The following NID1 variants were observed in gnomAD, a reference collection of about 807,000 sequenced individuals.
The protein encoded by NID1 is nidogen 1, also known as nidogen-1.
A neutral mutation model predicts 130.6 loss-of-function variants in NID1; 76 were observed. That is an observed-to-expected ratio of 0.58 (90% confidence interval 0.48 to 0.70). The LOEUF (loss-of-function observed/expected upper bound fraction) is 0.70, where lower values mean the gene tolerates loss of function less well. Ranked by LOEUF, NID1 falls within the 30% of genes least tolerant of loss-of-function variation. The probability of loss-of-function intolerance (pLI) is 0.00; values close to 1 mark genes in which losing one functional copy is unlikely to be tolerated. For missense variants in NID1, 1,517 were observed against 1,664.8 expected (o/e 0.91, Z 1.54); for synonymous variants, 665 against 675.1 (o/e 0.98, Z 0.23).
At chr1:236,030,333 T>C (rs1659059083) in intron 6 of NID1, among the ~76,000 whole-genome samples, 1 of 152,160 alleles carries the variant, frequency 6.6e-6, no homozygotes, top group Non-Finnish European at 1.5e-5. Flanking sequence ...GGAAAAATAC[T>C]TCTCCCTTTT....
intron 4 of NID1, 147 bp downstream of exon 4, chr1:236,041,763 G>T: frequency 1.0e-6 from 1 of 981,864 alleles, no homozygotes; most frequent in Non-Finnish European, 1.5e-6. Context: ...AGGCTCCACG[G>T]CTGTGAGAGT....
chr1:236,057,689 CTGAAAGAAAGAA>C (rs1659932697), intron 1 of NID1, among the ~76,000 whole-genome samples: 1 of 133,088 alleles, frequency 7.5e-6, no homozygotes, highest in South Asian at 2.3e-4. Flanking sequence ...CAGAGTAAGA[CTGAAAGAAAGAA>C]GGAAAGAAAG....
chr1:235,993,920 C>T, intron 12 of NID1, 48 bp from the exon 13 acceptor site: 10 of 1,561,704 alleles, frequency 6.4e-6, no homozygotes, highest in Non-Finnish European at 7.9e-6. Context: ...CGTCATCCGT[C>T]AGCGCTCCCT....
chr1:236,061,307 G>A (rs1239934499), intron 1 of NID1, among the ~76,000 whole-genome samples: 1 of 152,114 alleles, frequency 6.6e-6, no homozygotes, highest in Non-Finnish European at 1.5e-5. Context: ...GCTCACCTGG[G>A]GAAAAATATA....
At chr1:236,057,736 AGAGAG>A (rs1659934994) in intron 1 of NID1, among the ~76,000 whole-genome samples, 1 of 151,872 alleles carries the variant, frequency 6.6e-6, no homozygotes, top group Non-Finnish European at 1.5e-5. Flanking sequence ...AGAAAGAAAA[AGAGAG>A]AGAGAGAAAG....
At position 236,041,960 on chromosome 1, in the gene NID1, T is replaced by C. The variant is rs762843700; in HGVS notation, c.1085A>G (p.Gln362Arg). 1 of 1,614,076 alleles carries C rather than the reference T, an allele frequency of 6.2e-7. No homozygotes were observed. Among genetic ancestry groups the C allele is most frequent in the Non-Finnish European group, 8.5e-7 (1 of 1,179,980 alleles). Residue 362 changes from glutamine (Q) to arginine (R), a missense_variant, in exon 4 of 20, where the codon CAG becomes CGG. Coordinates refer to ENST00000264187, the MANE Select transcript of NID1 (RefSeq NM_002508.3). ...CACATCTATGACCTGAGGGTGCTGC[T>C]GGTGAAAAGTCTCCACTGCCAACTG... The part of the protein sequence containing the change: ...SFQLAVETFH[Q>R]QHPQVIDVDE...
rs1249157979 is a variant in NID1 at position 235,985,514 on chromosome 1, G to A, written c.2929-9C>T. On this transcript the variant is annotated splice_polypyrimidine_tract_variant and intron_variant, in intron 14 of 19. Transcript: ENST00000264187. ...CCAATGATGACTTTAGCCTGGATGT[G>A]AAGACCAGTGGTTAGAATGGTCCAT... is the stretch of plus-strand genomic sequence containing the variant. 6.2e-7 allele frequency: 1 copy of A among 1,613,902 alleles called. No homozygotes were observed. The highest frequency in any genetic ancestry group is 1.3e-5 in the African/African-American group (1 of 74,920).
intron 12 of NID1, among the ~76,000 whole-genome samples, chr1:235,999,073 A>G (rs1344662091): frequency 6.6e-6 from 1 of 152,246 alleles, no homozygotes; most frequent in African/African-American, 2.4e-5. Flanking sequence ...TTACGACAAC[A>G]GCGATGTACA....
chr1:236,005,028 G>A (rs1232409244), intron 12 of NID1, among the ~76,000 whole-genome samples: 1 of 151,898 alleles, frequency 6.6e-6, no homozygotes, highest in East Asian at 1.9e-4. Context: ...TACAAAATTA[G>A]CTGGGAATGG....
At position 236,036,279 on chromosome 1, in the gene NID1, C is replaced by T. The variant is rs60964154; in HGVS notation, c.1285+1825G>A. ...AACAGTTTAGAAGTTAATAACATCCCCTAAAATTAATAAGTAAAGCATACT... is the reference window on the plus strand; with the variant it reads ...AACAGTTTAGAAGTTAATAACATCCTCTAAAATTAATAAGTAAAGCATACT... On this transcript the variant is annotated intron_variant, in intron 5 of 19. Coordinates refer to ENST00000264187, the MANE Select transcript of NID1 (RefSeq NM_002508.3). Among the ~76,000 whole-genome samples the T allele has an allele frequency of 2.5e-3, 381 of 152,234 alleles. 1 individual carries two copies. Among genetic ancestry groups the T allele is most frequent in the African/African-American group, 8.4e-3 (350 of 41,544 alleles).
At chr1:236,060,616 C>A (rs1029005463) in intron 1 of NID1, 1 of 152,138 alleles carries the variant, frequency 6.6e-6, no homozygotes, top group African/African-American at 2.4e-5. Context: ...GGATCAGTTA[C>A]CCCTCTCTTC....
At chr1:235,984,239 T>A (rs973781525) in intron 15 of NID1, among the ~76,000 whole-genome samples, 1 of 152,208 alleles carries the variant, frequency 6.6e-6, no homozygotes. Flanking sequence ...GAGATAGGCA[T>A]TTTCAAACTG....
chr1:236,059,081 T>C (rs1162091576), intron 1 of NID1, among the ~76,000 whole-genome samples: 1 of 152,160 alleles, frequency 6.6e-6, no homozygotes, highest in Non-Finnish European at 1.5e-5. Flanking sequence ...AAGGAAATGA[T>C]GAGAGATTTT....
chr1:236,058,114 G>C (rs112955660), intron 1 of NID1, among the ~76,000 whole-genome samples: 27 of 152,294 alleles, frequency 1.8e-4, no homozygotes, highest in African/African-American at 6.5e-4. Context: ...GGTAACTTAA[G>C]GTAACCAAAT....
rs149911845 is a variant in NID1, at chr1:235,984,936, T to C, written c.3055+443A>G. ...CGGGCGCCGTGGCTCACACCTGTAATCCCAGCACTTTGGGAGGCCGAGGTG... is the reference window on the plus strand; with the variant it reads ...CGGGCGCCGTGGCTCACACCTGTAACCCCAGCACTTTGGGAGGCCGAGGTG... On this transcript the variant is annotated intron_variant, in intron 15 of 19. Coordinates refer to ENST00000264187, the MANE Select transcript of NID1 (RefSeq NM_002508.3). 5.1e-3 allele frequency among the ~76,000 whole-genome samples: 776 copies of C among 152,184 alleles called. 7 individuals are homozygous for C. The highest frequency in any genetic ancestry group is 0.018 in the African/African-American group (740 of 41,522).
intron 1 of NID1, chr1:236,064,620 C>A: frequency 3.7e-6 from 2 of 542,176 alleles, no homozygotes; most frequent in South Asian, 1.9e-5. Flanking sequence ...GGGGTCACGG[C>A]CCGGGGCGCG....
intron 12 of NID1, among the ~76,000 whole-genome samples, chr1:236,000,268 T>G (rs1406961349): frequency 1.3e-5 from 2 of 152,160 alleles, no homozygotes; most frequent in Admixed American, 6.5e-5. Flanking sequence ...GAACAGACTC[T>G]TTAAGTCTGA....
intron 12 of NID1, among the ~76,000 whole-genome samples, chr1:236,001,566 C>A (rs1214983078): frequency 1.3e-5 from 2 of 152,170 alleles, no homozygotes; most frequent in Non-Finnish European, 2.9e-5. Context: ...CTAGGGGCCA[C>A]TAAGAACAAC....
In NID1 at chr1:236,045,620, G is replaced by C; in HGVS notation, c.589C>G (p.Pro197Ala). The change falls in exon 3 of 20, where the codon CCT (proline) becomes GCT (alanine). Residue 197 changes from proline (P) to alanine (A), a missense_variant. Pro to Ala is a conservative substitution (Grantham distance 27). Around this residue, in one of 3 missense-constraint regions of NID1, gnomAD observed 1,329 missense variants for 1,429.2 expected, o/e 0.93. Transcript: ENST00000264187. The stretch of plus-strand genomic sequence containing the variant: ...GTATGGAACTGCAGACCATCCTCAG[G>C]ATAAAGGAAAATGGCATAGGAGCTG... The part of the protein sequence containing the change: ...DSSSYAIFLY[P>A]EDGLQFHTTF... 1 of 1,614,174 alleles carries C rather than the reference G, an allele frequency of 6.2e-7. No homozygotes were observed. The highest frequency in any genetic ancestry group is 8.5e-7 in the Non-Finnish European group (1 of 1,180,038).
Sources: gnomAD v4.1 joint callset for allele counts (sites outside exome capture counted in the v4.1 genomes callset) on GRCh38, gnomAD v4.1.1 for gene constraint, gnomAD v4.1.1 regional missense constraint, MANE v1.5 for transcripts, NCBI Gene and HGNC (gene_info 2026-07-23, HGNC 2026-07-21) for gene names.